DIP2B: variants seen among roughly 807,000 people sequenced by gnomAD.
The protein encoded by DIP2B is disco-interacting protein 2 homolog B.
Under a neutral mutation model 198.0 loss-of-function variants are expected in DIP2B, and 76 were observed. The ratio of observed to expected loss-of-function variants is 0.38; its 90% confidence interval spans 0.32 to 0.46. DIP2B has a LOEUF of 0.46. DIP2B is among the 20% of genes least tolerant of loss of function. DIP2B has a pLI of 0.99. For synonymous variants in DIP2B, 701 were observed against 739.1 expected (o/e 0.95, Z 0.84); for missense variants, 1,559 against 1,978.4 (o/e 0.79, Z 4.02).
At chr12:50,515,026 G>T (rs551192492) in intron 1 of DIP2B, among the ~76,000 whole-genome samples, 1 of 151,938 alleles carries the variant, frequency 6.6e-6, no homozygotes, top group Non-Finnish European at 1.5e-5. Context: ...TTGCTTTCAT[G>T]TGCTGGCCCT....
chr12:50,665,104 G>GTGT (rs1938727405), intron 4 of DIP2B, among the ~76,000 whole-genome samples: 1 of 151,916 alleles, frequency 6.6e-6, no homozygotes, highest in Non-Finnish European at 1.5e-5. Context: ...ATTCTCCAAA[G>GTGT]TGTTGGGATT....
In DIP2B at chr12:50,648,707, CT is replaced by C. The variant is rs1307742499; in HGVS notation, c.301+7856del. The stretch of plus-strand genomic sequence containing the variant: ...GAGTTGGGTTGTTCTTCCCCCCCCC[CT>C]CCTTACTTGCAAGGGCTTTTTTTTA... On this transcript the variant is annotated intron_variant, in intron 3 of 37. Coordinates refer to ENST00000301180, the MANE Select transcript of DIP2B (RefSeq NM_173602.3). Among the ~76,000 whole-genome samples the C allele has an allele frequency of 1.7e-3, 256 of 150,628 alleles. 2 individuals are homozygous for C. The highest frequency in any genetic ancestry group is 4.7e-3 in the African/African-American group (194 of 41,014).
chr12:50,566,378 G>A (rs984493044), intron 1 of DIP2B, among the ~76,000 whole-genome samples: 4 of 152,078 alleles, frequency 2.6e-5, no homozygotes, highest in Admixed American at 2.0e-4. Context: ...AATATTGTTT[G>A]CACTGTCTTT....
At chr12:50,685,800 C>T (rs755579958) in intron 10 of DIP2B, 33 bp from the exon 11 acceptor site, 4 of 1,604,978 alleles carry the variant, frequency 2.5e-6, no homozygotes, top group Non-Finnish European at 3.4e-6. Context: ...CACATTCGCT[C>T]CCCTACCTAT....
chr12:50,612,273 G>A (rs1255843076), intron 1 of DIP2B, among the ~76,000 whole-genome samples: 2 of 152,074 alleles, frequency 1.3e-5, no homozygotes, highest in Non-Finnish European at 2.9e-5. Context: ...AGGGAAATAG[G>A]CAAGGAGAAT....
chr12:50,680,850 C>A, intron 9 of DIP2B, 87 bp downstream of exon 9: 1 of 1,240,382 alleles, frequency 8.1e-7, no homozygotes, highest in Non-Finnish European at 1.1e-6. Context: ...TTTTCATATA[C>A]AACAGGAAAA....
chr12:50,659,660 A>G (rs1284220001), intron 3 of DIP2B, among the ~76,000 whole-genome samples: 1 of 152,180 alleles, frequency 6.6e-6, no homozygotes, highest in Non-Finnish European at 1.5e-5. Flanking sequence ...GTGGCAAACA[A>G]TTAACATCTG....
At chr12:50,580,509 A>T (rs1958715235) in intron 1 of DIP2B, among the ~76,000 whole-genome samples, 1 of 142,756 alleles carries the variant, frequency 7.0e-6, no homozygotes. Context: ...TTTTTACTCC[A>T]GTCTACTTTA....
chr12:50,522,077 T>C (rs1009266954), intron 1 of DIP2B, among the ~76,000 whole-genome samples: 8 of 152,308 alleles, frequency 5.3e-5, no homozygotes, highest in Middle Eastern at 3.4e-3. Context: ...CTTGGCTCAC[T>C]GCAACCTCCG....
intron 23 of DIP2B, among the ~76,000 whole-genome samples, chr12:50,716,978 T>TTTTC: frequency 7.0e-6 from 1 of 143,726 alleles, no homozygotes; most frequent in African/African-American, 2.6e-5. Context: ...TTTTTTTTTT[T>TTTTC]TTTGAGACAG....
chr12:50,618,462 A>G (rs554848139), intron 1 of DIP2B, among the ~76,000 whole-genome samples: 17 of 152,334 alleles, frequency 1.1e-4, no homozygotes, highest in African/African-American at 3.1e-4. Context: ...TAAACTGTGC[A>G]TTCACCCTCA....
chr12:50,534,550 G>A, intron 1 of DIP2B, among the ~76,000 whole-genome samples: 1 of 151,634 alleles, frequency 6.6e-6, no homozygotes, highest in Non-Finnish European at 1.5e-5. Flanking sequence ...TTTTTGTACA[G>A]ATGGGGTTTC....
chr12:50,665,373 G>T (rs984027531), intron 4 of DIP2B, among the ~76,000 whole-genome samples: 1 of 152,080 alleles, frequency 6.6e-6, no homozygotes, highest in African/African-American at 2.4e-5. Flanking sequence ...TTTGCCCCAG[G>T]TCAAATAGCA....
intron 1 of DIP2B, among the ~76,000 whole-genome samples, chr12:50,525,006 G>A (rs1015548155): frequency 3.3e-5 from 5 of 152,092 alleles, no homozygotes; most frequent in African/African-American, 1.2e-4. Flanking sequence ...GGGATTACAG[G>A]TGTGAGCCTC....
chr12:50,538,097 CAG>C (rs1157467984), intron 1 of DIP2B, among the ~76,000 whole-genome samples: 3 of 151,936 alleles, frequency 2.0e-5, no homozygotes, highest in African/African-American at 7.3e-5. Context: ...GGGAAAGAGA[CAG>C]AGGAAAGAAA....
chr12:50,578,173 A>G (rs977758728), intron 1 of DIP2B, among the ~76,000 whole-genome samples: 2 of 151,936 alleles, frequency 1.3e-5, no homozygotes, highest in South Asian at 2.1e-4. Flanking sequence ...ACAGCCAGCT[A>G]ATTTTTGTAT....
chr12:50,566,759 G>C (rs190111200), intron 1 of DIP2B, among the ~76,000 whole-genome samples: 1 of 152,048 alleles, frequency 6.6e-6, no homozygotes, highest in Non-Finnish European at 1.5e-5. Context: ...CACAAGGTCA[G>C]GAGATCGAGA....
At chr12:50,664,836 G>GTTTTTTTTTTTTT (rs1159665939) in intron 4 of DIP2B, among the ~76,000 whole-genome samples, 1 of 15,926 alleles carries the variant, frequency 6.3e-5, no homozygotes, top group African/African-American at 1.4e-4. Context: ...TTTGGTTTTT[G>GTTTTTTTTTTTTT]TTTTTTTTTT....
chr12:50,691,900 C>T (rs1006321090), intron 13 of DIP2B, among the ~76,000 whole-genome samples: 3 of 152,016 alleles, frequency 2.0e-5, no homozygotes. Flanking sequence ...CCCATCTCTA[C>T]TAAAAATAAC....
Sources: allele counts gnomAD v4.1 joint callset (sites outside exome capture counted in the v4.1 genomes callset), GRCh38; gene constraint gnomAD v4.1.1; transcripts MANE v1.5; gene names NCBI Gene and HGNC (gene_info 2026-07-23, HGNC 2026-07-21).